EPHA6: variants seen among roughly 807,000 people sequenced by gnomAD.
EPHA6 encodes the protein ephrin type-A receptor 6.
EPHA6 carries 50 observed loss-of-function variants against 112.0 expected under a neutral mutation model. That is an observed-to-expected ratio of 0.45 (90% CI 0.36 to 0.56). The LOEUF (loss-of-function observed/expected upper bound fraction) is 0.56. EPHA6 is among the 20% of genes least tolerant of loss of function. The pLI, the probability that EPHA6 is intolerant of heterozygous loss-of-function variation, is 0.00. For synonymous variants in EPHA6, 529 were observed against 490.7 expected, an observed-to-expected ratio of 1.08 and a Z score of -1.03; for missense variants, 1,280 against 1,417.4, an observed-to-expected ratio of 0.90 and a Z score of 1.56.
chr3:97,029,611 A>C (rs1167682765), intron 3 of EPHA6, among the ~76,000 whole-genome samples: 3 of 152,114 alleles, frequency 2.0e-5, no homozygotes, highest in Non-Finnish European at 4.4e-5. Context: ...AATGAATTGC[A>C]AAGAGGAAAA....
intron 1 of EPHA6, among the ~76,000 whole-genome samples, chr3:96,860,586 A>G (rs1480106303): frequency 1.3e-5 from 2 of 152,126 alleles, no homozygotes; most frequent in Admixed American, 1.3e-4. Flanking sequence ...ATAAAAGACT[A>G]GTGGGAACAT....
intron 1 of EPHA6, among the ~76,000 whole-genome samples, chr3:96,816,555 T>C (rs926452126): frequency 6.6e-6 from 1 of 152,148 alleles, no homozygotes; most frequent in African/African-American, 2.4e-5. Flanking sequence ...AAGTCAGACA[T>C]TGATACTGTA....
At chr3:97,445,483 A>C (rs2090309201) in intron 6 of EPHA6, among the ~76,000 whole-genome samples, 1 of 152,192 alleles carries the variant, frequency 6.6e-6, no homozygotes, top group Admixed American at 6.5e-5. Context: ...GATATTAATA[A>C]GTACTTAGAA....
At chr3:97,408,575 C>T (rs906308102) in intron 6 of EPHA6, among the ~76,000 whole-genome samples, 4 of 152,104 alleles carry the variant, frequency 2.6e-5, no homozygotes, top group African/African-American at 9.6e-5. Flanking sequence ...ATTTATTTCC[C>T]ATAGTTTTGG....
chr3:96,894,182 T>C (rs1192163447), intron 2 of EPHA6, among the ~76,000 whole-genome samples: 20 of 152,154 alleles, frequency 1.3e-4, no homozygotes. Flanking sequence ...TCTTCAAGTA[T>C]GTCAGTAAGA....
At chr3:97,600,117 G>C (rs1365048939) in intron 12 of EPHA6, among the ~76,000 whole-genome samples, 2 of 150,274 alleles carry the variant, frequency 1.3e-5, no homozygotes, top group African/African-American at 4.9e-5. Context: ...CATTGATTTT[G>C]TATCCTGAGA....
chr3:96,958,302 A>C (rs911853328), intron 2 of EPHA6, among the ~76,000 whole-genome samples: 4 of 152,038 alleles, frequency 2.6e-5, no homozygotes, highest in Non-Finnish European at 4.4e-5. Context: ...AAAGAAAAAA[A>C]AAAAAAAGAA....
chr3:97,463,692 GC>G (rs1263071414), intron 7 of EPHA6, among the ~76,000 whole-genome samples: 4 of 152,106 alleles, frequency 2.6e-5, no homozygotes, highest in African/African-American at 9.7e-5. Context: ...CTTTGATAGA[GC>G]CAAGGTAAAG....
chr3:97,724,158 G>C (rs552709069), intron 15 of EPHA6, among the ~76,000 whole-genome samples: 1 of 152,216 alleles, frequency 6.6e-6, no homozygotes, highest in East Asian at 1.9e-4. Flanking sequence ...CATGTTTTAT[G>C]ATTTTAAATT....
At chr3:97,572,366 C>T (rs999841529) in intron 11 of EPHA6, among the ~76,000 whole-genome samples, 2 of 151,810 alleles carry the variant, frequency 1.3e-5, no homozygotes, top group South Asian at 2.1e-4. Context: ...TAGCCAGGAT[C>T]GTCTCGATCT....
At chr3:97,451,016 A>C (rs1161253549) in intron 7 of EPHA6, among the ~76,000 whole-genome samples, 1 of 151,988 alleles carries the variant, frequency 6.6e-6, no homozygotes, top group Non-Finnish European at 1.5e-5. Context: ...GAACAGAAAA[A>C]GCATAAAGGC....
intron 3 of EPHA6, among the ~76,000 whole-genome samples, chr3:97,063,005 C>T (rs1278094322): frequency 6.6e-6 from 1 of 151,688 alleles, no homozygotes; most frequent in Non-Finnish European, 1.5e-5. Context: ...AATTAAATAC[C>T]CTCTCATACC....
intron 3 of EPHA6, among the ~76,000 whole-genome samples, chr3:97,060,903 G>A (rs1373040496): frequency 1.7e-5 from 2 of 116,150 alleles, no homozygotes; most frequent in Non-Finnish European, 3.2e-5. Flanking sequence ...CAGCCTGGGC[G>A]ACAGAGCCAG....
chr3:97,704,749 A>T (rs2033589405), intron 14 of EPHA6, among the ~76,000 whole-genome samples: 1 of 152,148 alleles, frequency 6.6e-6, no homozygotes, highest in Non-Finnish European at 1.5e-5. Flanking sequence ...TACATGACTA[A>T]CTTTGACTCT....
intron 3 of EPHA6, among the ~76,000 whole-genome samples, chr3:97,159,078 T>C (rs998887336): frequency 6.6e-6 from 1 of 152,172 alleles, no homozygotes; most frequent in Non-Finnish European, 1.5e-5. Flanking sequence ...CCTTCATTCA[T>C]GAACTGCCTG....
intron 11 of EPHA6, among the ~76,000 whole-genome samples, chr3:97,584,769 G>A (rs1270928754): frequency 1.3e-5 from 2 of 152,162 alleles, no homozygotes; most frequent in Admixed American, 6.5e-5. Flanking sequence ...CTCCATGAAG[G>A]AGAAGGAGGA....
intron 14 of EPHA6, among the ~76,000 whole-genome samples, chr3:97,667,004 A>C (rs2030197714): frequency 2.0e-5 from 3 of 152,172 alleles, no homozygotes; most frequent in Admixed American, 6.5e-5. Flanking sequence ...GTACTTTCTC[A>C]TCTACCTCTT....
At chr3:97,735,856 A>G in intron 15 of EPHA6, 69 bp from the exon 16 acceptor site, 1 of 1,249,174 alleles carries the variant, frequency 8.0e-7, no homozygotes, top group Non-Finnish European at 1.1e-6. Flanking sequence ...CTGCTTGTAA[A>G]AAAAGAAATT....
intron 11 of EPHA6, among the ~76,000 whole-genome samples, chr3:97,564,469 T>C (rs2093234765): frequency 6.6e-6 from 1 of 152,178 alleles, no homozygotes; most frequent in African/African-American, 2.4e-5. Flanking sequence ...CACTTATTTT[T>C]TTCTCACAAT....
Sources: allele counts gnomAD v4.1 joint callset (sites outside exome capture counted in the v4.1 genomes callset), GRCh38; gene constraint gnomAD v4.1.1; transcripts MANE v1.5; gene names NCBI Gene and HGNC (gene_info 2026-07-23, HGNC 2026-07-21).